Variants in ADGRE3 observed in about 807,000 individuals in gnomAD.
ADGRE3 encodes the protein adhesion G protein-coupled receptor E3, also known as EGF-like module receptor 3.
In ADGRE3, 88 loss-of-function variants were observed where a neutral mutation model predicts 80.1. The observed-to-expected ratio is 1.10, with a 90% CI of 0.93 to 1.31. The LOEUF (loss-of-function observed/expected upper bound fraction) is 1.31, where lower values mean the gene tolerates loss of function less well. Ranked by LOEUF, ADGRE3 falls within the 40% of genes most tolerant of loss-of-function variation. The probability of loss-of-function intolerance (pLI) is 0.00; values close to 1 mark genes in which losing one functional copy is unlikely to be tolerated. For synonymous variants in ADGRE3, 281 were observed against 294.8 expected, an observed-to-expected ratio of 0.95 and a Z score of 0.48; for missense variants, 715 against 776.5, an observed-to-expected ratio of 0.92 and a Z score of 0.94.
At chr19:14,630,331 C>T in intron 13 of ADGRE3, 124 bp from the exon 14 acceptor site, 9 of 627,560 alleles carry the variant, frequency 1.4e-5, no homozygotes, top group Non-Finnish European at 2.2e-5. Context: ...TGGAAGCCAG[C>T]ACTGGCTACC....
At chr19:14,636,025 C>T (rs1418943095) in intron 11 of ADGRE3, among the ~76,000 whole-genome samples, 1 of 89,018 alleles carries the variant, frequency 1.1e-5, no homozygotes, top group African/African-American at 4.0e-5. Context: ...TCCTTCCTTC[C>T]TTCCTTCCTT....
intron 4 of ADGRE3, 133 bp downstream of exon 4, chr19:14,661,830 G>A (rs1343679149): frequency 3.5e-6 from 3 of 858,136 alleles, no homozygotes; most frequent in Middle Eastern, 2.5e-4. Context: ...AGCCCGGGAG[G>A]CGGAGGTTTC....
intron 8 of ADGRE3, among the ~76,000 whole-genome samples, chr19:14,645,347 A>C (rs1448373234): frequency 6.6e-6 from 1 of 152,190 alleles, no homozygotes; most frequent in Non-Finnish European, 1.5e-5. Context: ...AAGAAAAGTC[A>C]TGAGGAGAGA....
chr19:14,607,545 A>ATTT, the ADGRE3 span, among the ~76,000 whole-genome samples: 7 of 139,172 alleles, frequency 5.0e-5, no homozygotes, highest in African/African-American at 1.4e-4. Context: ...GTTTTATTTT[A>ATTT]TTTTATTATT....
intron 12 of ADGRE3, 44 bp from the exon 13 acceptor site, chr19:14,633,056 T>C: frequency 6.8e-7 from 1 of 1,471,674 alleles, no homozygotes. Flanking sequence ...GTTAAAGTAA[T>C]GTATGGTGTC....
intron 11 of ADGRE3, among the ~76,000 whole-genome samples, chr19:14,636,081 C>CTTTCTTTCTTTCTTTCTCTTT (rs1555755785): frequency 1.2e-4 from 3 of 24,602 alleles, no homozygotes; most frequent in Non-Finnish European, 1.6e-4. Context: ...CTTTCCTTTC[C>CTTTCTTTCTTTCTTTCTCTTT]CTTTCTTTCT....
At chr19:14,655,372 G>C (rs113503225) in intron 5 of ADGRE3, among the ~76,000 whole-genome samples, 25 of 152,026 alleles carry the variant, frequency 1.6e-4, no homozygotes, top group Non-Finnish European at 2.6e-4. Context: ...GAACTCAAAG[G>C]GTTTTTCTGG....
intron 14 of ADGRE3, among the ~76,000 whole-genome samples, chr19:14,626,106 A>T (rs1283077132): frequency 8.6e-6 from 1 of 116,444 alleles, no homozygotes; most frequent in Non-Finnish European, 2.0e-5. Flanking sequence ...ATGTTTTACC[A>T]CAGTAAACAT....
Position 14,623,926 on chromosome 19 carries a change from C to T in ADGRE3, c.1920+1566G>A, listed in dbSNP as rs118065172. ...GAATGAGGAACTCAAACCAGGTTAT[C>T]GGGAAAAGGACTCTTCCTCATACCC... On this transcript the variant is annotated intron_variant, in intron 15 of 15. Transcript: ENST00000253673. Among the ~76,000 whole-genome samples, 34 of 152,222 alleles carry T rather than the reference C, an allele frequency of 2.2e-4. No individual in the cohort carries two copies. The East Asian group carries it at 6.2e-3, about 28-fold the overall frequency.
At chr19:14,607,389 G>A in the ADGRE3 span, among the ~76,000 whole-genome samples, 4 of 151,478 alleles carry the variant, frequency 2.6e-5, no homozygotes, top group African/African-American at 9.7e-5. Flanking sequence ...ATTTTTAGTA[G>A]AGACGGGGTT....
the ADGRE3 span, among the ~76,000 whole-genome samples, chr19:14,601,711 T>C: frequency 6.6e-6 from 1 of 152,150 alleles, no homozygotes; most frequent in African/African-American, 2.4e-5. Context: ...CTCAAAGTCC[T>C]AGGCTCAAGC....
At chr19:14,633,444 CG>C in intron 11 of ADGRE3, 142 bp from the exon 12 acceptor site, 1 of 545,478 alleles carries the variant, frequency 1.8e-6, no homozygotes, top group Non-Finnish European at 3.2e-6. Flanking sequence ...CGGTGGCTCA[CG>C]CCTGTAATCC....
rs1200762901 is a variant in ADGRE3 at position 14,636,008 on chromosome 19, TCTTTCTTCCTTCCTTC to T, written c.1484+2081_1484+2096del. 1.0e-3 allele frequency among the ~76,000 whole-genome samples: 77 copies of T among 76,102 alleles called. 7 individuals carry two copies. The highest frequency in any genetic ancestry group is 3.9e-3 in the African/African-American group (70 of 17,808). 49.9% of individuals were successfully genotyped at this position (76,102 alleles called of 152,430 possible). On this transcript the variant is annotated intron_variant, in intron 11 of 15. Coordinates refer to ENST00000253673, the MANE Select transcript of ADGRE3 (RefSeq NM_032571.5). ...GCTCTCCTTTCTCTCTCTTTCTCTT[TCTTTCTTCCTTCCTTC>T]CTTCCTTCCTTCCTTCCTTCCTTCC...
At chr19:14,636,071 CT>C (rs1971047297) in intron 11 of ADGRE3, among the ~76,000 whole-genome samples, 1 of 80,474 alleles carries the variant, frequency 1.2e-5, no homozygotes, top group African/African-American at 5.1e-5. Flanking sequence ...CTTTCCTTTC[CT>C]TTCCTTTCCC....
rs181366686 is a variant in ADGRE3, at chr19:14,629,093, T to A, written c.1812+946A>T. ...CCTCCATCATACCCGGGTAATTGTT[T>A]TGTAGTTTTTAGTAGAGATGGGGTT... On this transcript the variant is annotated intron_variant, in intron 14 of 15. Transcript: ENST00000253673. Among the ~76,000 whole-genome samples, 39 of 152,006 alleles carry A rather than the reference T, an allele frequency of 2.6e-4. No individual in the cohort carries two copies. In the East Asian group the frequency reaches 6.6e-3, roughly 26 times the overall value.
rs1236110606 is a variant in ADGRE3, at chr19:14,636,006, T to C, written c.1484+2099A>G. 3.2e-4 allele frequency among the ~76,000 whole-genome samples: 7 copies of C among 21,888 alleles called. 1 individual carries two copies. Among genetic ancestry groups the C allele is most frequent in the Non-Finnish European group, 6.1e-4 (6 of 9,896 alleles). 14.4% of individuals were successfully genotyped at this position (21,888 alleles called of 152,430 possible). Reference sequence around the variant, plus strand: ...AAGCTCTCCTTTCTCTCTCTTTCTCTTTCTTTCTTCCTTCCTTCCTTCCTT... The same window carrying C: ...AAGCTCTCCTTTCTCTCTCTTTCTCCTTCTTTCTTCCTTCCTTCCTTCCTT... On this transcript the variant is annotated intron_variant, in intron 11 of 15. Coordinates refer to ENST00000253673, the MANE Select transcript of ADGRE3 (RefSeq NM_032571.5).
At chr19:14,631,839 T>A (rs1970889288) in intron 13 of ADGRE3, among the ~76,000 whole-genome samples, 1 of 152,128 alleles carries the variant, frequency 6.6e-6, no homozygotes, top group African/African-American at 2.4e-5. Context: ...ATCTCACACA[T>A]CATACAGGCT....
chr19:14,645,416 T>G (rs1487725193), intron 8 of ADGRE3, among the ~76,000 whole-genome samples: 1 of 152,100 alleles, frequency 6.6e-6, no homozygotes, highest in Non-Finnish European at 1.5e-5. Context: ...CCCAGCACTT[T>G]GGGAAGCCAA....
intron 1 of ADGRE3, among the ~76,000 whole-genome samples, chr19:14,674,317 T>C (rs1317396511): frequency 1.3e-5 from 2 of 151,856 alleles, no homozygotes; most frequent in Non-Finnish European, 2.9e-5. Flanking sequence ...GGCAACATGG[T>C]GAAACCCCAT....
Sources: gnomAD v4.1 joint callset for allele counts (sites outside exome capture counted in the v4.1 genomes callset) on GRCh38, gnomAD v4.1.1 for gene constraint, MANE v1.5 for transcripts, NCBI Gene and HGNC (gene_info 2026-07-23, HGNC 2026-07-21) for gene names.